NFATC2: variants seen among roughly 807,000 people sequenced by gnomAD.
NFATC2 encodes nuclear factor of activated T-cells, cytoplasmic 2.
NFATC2 carries 22 observed loss-of-function variants against 87.3 expected under a neutral mutation model. That is an observed-to-expected ratio of 0.25 (90% CI 0.18 to 0.36). The LOEUF (loss-of-function observed/expected upper bound fraction) is 0.36. Ranked by LOEUF, NFATC2 falls within the 10% of genes least tolerant of loss-of-function variation. NFATC2 has a pLI of 1.00. For synonymous variants in NFATC2, 565 were observed against 542.2 expected (o/e 1.04, Z -0.58); for missense variants, 1,149 against 1,259.1 (o/e 0.91, Z 1.32).
chr20:51,477,165 G>A (rs935253219), intron 3 of NFATC2, among the ~76,000 whole-genome samples: 3 of 152,112 alleles, frequency 2.0e-5, no homozygotes, highest in African/African-American at 4.8e-5. Context: ...TGCCTAGGCT[G>A]TGATACACTA....
intron 1 of NFATC2, among the ~76,000 whole-genome samples, chr20:51,561,435 G>GAAAGAAAGAAAGAGAGAGAAAGA (rs1568765450): frequency 1.7e-5 from 1 of 59,240 alleles, no homozygotes; most frequent in Non-Finnish European, 3.6e-5. Context: ...AGAAAGAAAA[G>GAAAGAAAGAAAGAGAGAGAAAGA]AAAGAAAGAA....
intron 9 of NFATC2, among the ~76,000 whole-genome samples, chr20:51,418,410 A>C (rs1980344346): frequency 6.6e-6 from 1 of 152,240 alleles, no homozygotes; most frequent in South Asian, 2.1e-4. Context: ...CATTGAGGCC[A>C]GGAACGCTGG....
chr20:51,432,275 T>C lies in NFATC2; in HGVS notation c.2514A>G (p.Ala838=), dbSNP rs1982843445. ...FQHIMYCENF[A]PGTTRPGPPP... is the part of the protein sequence containing the mutation. ...GCGGGCCAGGTCTGGTGGTGCCTGG[T>C]GCGAAATTCTCGCAGTACATGATGT... The change falls in exon 9 of 11, where the codon GCA becomes GCG. Residue 838 remains alanine, a synonymous_variant. Transcript: ENST00000371564. This position sits in a 1 kb window ranked among gnomAD's most constrained non-coding sequence, Gnocchi z 4.6. 3 of 1,614,078 alleles carry C rather than the reference T, an allele frequency of 1.9e-6. No individual in the cohort carries two copies. The highest frequency in any genetic ancestry group is 2.5e-6 in the Non-Finnish European group (3 of 1,180,026).
At chr20:51,488,353 G>A (rs2075819837) in intron 3 of NFATC2, among the ~76,000 whole-genome samples, 1 of 152,176 alleles carries the variant, frequency 6.6e-6, no homozygotes, top group Non-Finnish European at 1.5e-5. Flanking sequence ...CTCAACCTTC[G>A]CACTATTGGC....
intron 3 of NFATC2, among the ~76,000 whole-genome samples, chr20:51,505,089 C>A (rs1044154046): frequency 1.4e-5 from 2 of 138,244 alleles, no homozygotes; most frequent in Non-Finnish European, 3.1e-5. Context: ...TCTCAGCTCA[C>A]TGCAAGCTCC....
intron 5 of NFATC2, among the ~76,000 whole-genome samples, chr20:51,460,748 T>C (rs780857226): frequency 1.3e-5 from 2 of 152,038 alleles, no homozygotes; most frequent in Non-Finnish European, 2.9e-5. Context: ...GCTGGGATCA[T>C]AGGCATGAGC....
At chr20:51,470,759 T>C (rs776527327) in intron 5 of NFATC2, among the ~76,000 whole-genome samples, 41 of 152,114 alleles carry the variant, frequency 2.7e-4, no homozygotes, top group Non-Finnish European at 5.6e-4. Context: ...ACTGACTACC[T>C]CCCTGTGGAT....
chr20:51,489,020 T>C (rs1190773475), intron 3 of NFATC2, among the ~76,000 whole-genome samples: 1 of 152,100 alleles, frequency 6.6e-6, no homozygotes, highest in Non-Finnish European at 1.5e-5. Context: ...GAAACCCCCG[T>C]CTCTACTAAA....
intron 6 of NFATC2, among the ~76,000 whole-genome samples, chr20:51,450,483 C>T (rs1027198724): frequency 1.3e-5 from 2 of 152,134 alleles, no homozygotes; most frequent in African/African-American, 4.8e-5. Context: ...CAAGGCCAGC[C>T]TGGGCAACAT....
At chr20:51,559,402 C>T (rs1336419285) in intron 1 of NFATC2, among the ~76,000 whole-genome samples, 3 of 152,210 alleles carry the variant, frequency 2.0e-5, no homozygotes, top group African/African-American at 7.2e-5. Context: ...GATCCCAGAA[C>T]CAGGCTCTGG....
In NFATC2 at chr20:51,480,140, T is replaced by C. The variant is rs993874938; in HGVS notation, c.1333-4480A>G. Among the ~76,000 whole-genome samples the C allele has an allele frequency of 2.0e-5, 3 of 151,250 alleles. No individual in the cohort carries two copies. In the East Asian group the frequency reaches 5.8e-4, roughly 29 times the overall value. ...CCGTCTCTGTGAAAAATACAAAAAT[T>C]AGCCAGGTATGGTGGCACGTGCCTG... On this transcript the variant is annotated intron_variant, in intron 3 of 10. Coordinates refer to ENST00000371564, the MANE Select transcript of NFATC2 (RefSeq NM_012340.5). The surrounding 1 kb of genome is among the most constrained non-coding windows in gnomAD (Gnocchi z 4.2).
At chr20:51,394,379 CTGTCCCCCCTCAG>C (rs1312574865) in intron 10 of NFATC2, among the ~76,000 whole-genome samples, 6 of 89,156 alleles carry the variant, frequency 6.7e-5, no homozygotes, top group Non-Finnish European at 1.3e-4. Flanking sequence ...TGGTCTCTGT[CTGTCCCCCCTCAG>C]CACTGTTCCC....
intron 1 of NFATC2, among the ~76,000 whole-genome samples, chr20:51,548,912 T>C (rs1421273591): frequency 6.6e-6 from 1 of 152,250 alleles, no homozygotes; most frequent in East Asian, 1.9e-4. Context: ...GCCTCTAGCC[T>C]GGTTCCAATA....
chr20:51,428,296 T>C (rs899854216), intron 9 of NFATC2, among the ~76,000 whole-genome samples: 2 of 152,102 alleles, frequency 1.3e-5, no homozygotes, highest in Admixed American at 1.3e-4. Context: ...CAAGTGACGG[T>C]GTATGAACCA....
intron 3 of NFATC2, among the ~76,000 whole-genome samples, chr20:51,478,804 C>CT (rs1988979820): frequency 1.3e-5 from 2 of 152,188 alleles, no homozygotes; most frequent in Admixed American, 6.5e-5. Flanking sequence ...CACTAGGCTC[C>CT]TGCCAACACC....
At position 51,556,860 on chromosome 20, in the gene NFATC2, T is replaced by C. The variant is rs139342523; in HGVS notation, c.70+5700A>G. The stretch of plus-strand genomic sequence containing the variant: ...TCTGAGGAAAGGAGCCCCGGATAGG[T>C]CCATTGTGATAGAGAGCCAGAGAGA... On this transcript the variant is annotated intron_variant, in intron 1 of 10. Coordinates refer to the NFATC2 transcript ENST00000414705. Among the ~76,000 whole-genome samples the C allele has an allele frequency of 7.0e-3, 1,070 of 152,040 alleles. 6 individuals carry two copies. Among genetic ancestry groups the C allele is most frequent in the Admixed American group, 8.8e-3 (134 of 15,280 alleles).
intron 3 of NFATC2, among the ~76,000 whole-genome samples, chr20:51,506,389 G>GTCT (rs1352420848): frequency 6.6e-6 from 1 of 152,156 alleles, no homozygotes; most frequent in African/African-American, 2.4e-5. Flanking sequence ...TCGGCCCATA[G>GTCT]TCTTCTAGGA....
intron 9 of NFATC2, among the ~76,000 whole-genome samples, chr20:51,400,685 T>G (rs1290505351): frequency 6.6e-6 from 1 of 152,144 alleles, no homozygotes; most frequent in Non-Finnish European, 1.5e-5. Flanking sequence ...CGAAATCAAC[T>G]CGGGACCAGG....
At chr20:51,459,428 C>T (rs1208058515) in intron 5 of NFATC2, among the ~76,000 whole-genome samples, 2 of 152,200 alleles carry the variant, frequency 1.3e-5, no homozygotes, top group African/African-American at 4.8e-5. Context: ...ATACGTGAGG[C>T]GTTTCTTTTT....
Sources: allele counts gnomAD v4.1 joint callset (sites outside exome capture counted in the v4.1 genomes callset), GRCh38; gene constraint gnomAD v4.1.1; non-coding constraint Gnocchi (gnomAD v3.1); transcripts MANE v1.5; gene names NCBI Gene and HGNC (gene_info 2026-07-23, HGNC 2026-07-21).